The following ZNF606 variants were observed in gnomAD, a reference collection of about 807,000 sequenced individuals.
ZNF606 encodes the protein zinc finger protein 328.
A neutral mutation model predicts 74.9 loss-of-function variants in ZNF606; 37 were observed. The ratio of observed to expected loss-of-function variants is 0.49; its 90% CI spans 0.38 to 0.65. The LOEUF (loss-of-function observed/expected upper bound fraction) is 0.65, where lower values mean the gene tolerates loss of function less well. Ranked by LOEUF, ZNF606 falls within the 30% of genes least tolerant of loss-of-function variation. ZNF606 has a pLI of 0.00. For synonymous variants in ZNF606, 328 were observed against 312.4 expected (o/e 1.05, Z -0.53); for missense variants, 852 against 952.9 (o/e 0.89, Z 1.39).
intron 6 of ZNF606, among the ~76,000 whole-genome samples, chr19:57,987,789 C>G (rs2073186892): frequency 6.6e-6 from 1 of 152,206 alleles, no homozygotes; most frequent in Non-Finnish European, 1.5e-5. Context: ...GATCGCACCA[C>G]TGCACTCCAG....
At position 57,985,889 on chromosome 19, in the gene ZNF606, G is replaced by A. The variant is rs1453429267; in HGVS notation, c.400+2318C>T. ...GCAGAGGCTGCAGTGAGCCAAGATC[G>A]CGCCACTGCACTCCAGCCTGGGCGA... On this transcript the variant is annotated intron_variant, in intron 6 of 6. Transcript: ENST00000551380. Among the ~76,000 whole-genome samples, 17 of 151,738 alleles carry A rather than the reference G, an allele frequency of 1.1e-4. No individual in the cohort carries two copies. In the South Asian group the frequency reaches 1.9e-3, roughly 17 times the overall value.
chr19:57,985,769 T>C (rs971963360), intron 6 of ZNF606, among the ~76,000 whole-genome samples: 3 of 143,120 alleles, frequency 2.1e-5, no homozygotes, highest in African/African-American at 7.7e-5. Context: ...CTACTAAAAA[T>C]ACAAAAAAAA....
intron 4 of ZNF606, chr19:57,997,700 C>G (rs1291540706): frequency 1.3e-5 from 2 of 152,184 alleles, no homozygotes; most frequent in South Asian, 2.1e-4. Context: ...CAGAGTGTAG[C>G]ATGGTGGTTA....
chr19:57,979,073 C>T lies in ZNF606; in HGVS notation c.1607G>A (p.Gly536Glu). Residue 536 changes from glycine (G) to glutamate (E), a missense_variant, in exon 7 of 7, where the codon GGA (glycine) becomes GAA (glutamate). Physicochemically the swap from Gly to Glu is moderately conservative, Grantham distance 98 (BLOSUM62 -2). This residue lies in a region of ZNF606 where 243 missense variants were observed against 359.2 expected (regional missense o/e 0.68). Transcript: ENST00000551380. Reference protein sequence around the residue: ...HLIAHMRMHTGEKPFKCDECE... With the variant: ...HLIAHMRMHTEEKPFKCDECE... ...TTCATCACATTTAAAGGGTTTCTCT[C>T]CAGTATGCATTCTCATATGGGCAAT... The T allele has an allele frequency of 6.2e-7, 1 of 1,614,106 alleles. No individual in the cohort carries two copies. The highest frequency in any genetic ancestry group is 8.5e-7 in the Non-Finnish European group (1 of 1,180,020).
intron 6 of ZNF606, among the ~76,000 whole-genome samples, chr19:57,987,682 G>C (rs1187989336): frequency 6.6e-6 from 1 of 151,984 alleles, no homozygotes; most frequent in Non-Finnish European, 1.5e-5. Flanking sequence ...ACAAAAACTA[G>C]CCAGGCATGG....
intron 6 of ZNF606, among the ~76,000 whole-genome samples, chr19:57,983,439 A>G (rs1452515235): frequency 1.3e-5 from 2 of 152,046 alleles, no homozygotes; most frequent in Non-Finnish European, 2.9e-5. Context: ...TTAGCCGGGC[A>G]TAGTGGCAGG....
At chr19:58,002,838 C>T (rs1044484535), upstream of ZNF606, 1 of 444,136 alleles carries the variant, frequency 2.3e-6, no homozygotes, top group African/African-American at 2.0e-5. Context: ...GCCGCGGGGT[C>T]TGCTGGGAGC....
intron 6 of ZNF606, among the ~76,000 whole-genome samples, chr19:57,985,997 AT>A (rs1214606286): frequency 6.6e-6 from 1 of 151,992 alleles, no homozygotes; most frequent in Non-Finnish European, 1.5e-5. Context: ...GAGAGAAGAA[AT>A]TCATCACGTA....
intron 4 of ZNF606, among the ~76,000 whole-genome samples, chr19:57,996,309 C>T (rs1209253816): frequency 6.6e-6 from 1 of 152,142 alleles, no homozygotes; most frequent in African/African-American, 2.4e-5. Flanking sequence ...TGAGGCCAGT[C>T]TGACCAACAT....
chr19:57,982,880 C>G (rs1449186595), intron 6 of ZNF606, among the ~76,000 whole-genome samples: 1 of 152,050 alleles, frequency 6.6e-6, no homozygotes, highest in Non-Finnish European at 1.5e-5. Flanking sequence ...TTCCTGGGCT[C>G]AAATAATCCT....
chr19:57,990,153 G>A (rs776393351), intron 4 of ZNF606, among the ~76,000 whole-genome samples: 2 of 151,110 alleles, frequency 1.3e-5, no homozygotes, highest in Non-Finnish European at 2.9e-5. Flanking sequence ...ACAAGGTCAG[G>A]AGATTGAGAC....
At chr19:57,983,661 A>G (rs912146915) in intron 6 of ZNF606, among the ~76,000 whole-genome samples, 10 of 152,236 alleles carry the variant, frequency 6.6e-5, no homozygotes, top group African/African-American at 2.2e-4. Flanking sequence ...TGGGAGATCA[A>G]AAAAGGACAT....
chr19:57,980,363 T>C, intron 6 of ZNF606, 84 bp from the exon 7 acceptor site: 1 of 1,369,808 alleles, frequency 7.3e-7, no homozygotes, highest in South Asian at 1.4e-5. Context: ...CTGTCCATAT[T>C]ATCAAAAACA....
rs921932845 is a variant in ZNF606 at position 57,988,560 on chromosome 19, A to G, written c.304+35T>C. 6 of 1,600,270 alleles carry G rather than the reference A, an allele frequency of 3.7e-6. No homozygotes were observed. The African/African-American group carries it at 8.0e-5, about 21-fold the overall frequency. ...GAGCAGCTGAAGGCATTACCATGGG[A>G]ACAGCTTCGTTTACTTGGGCAGCAC... On this transcript the variant is annotated intron_variant, in intron 5 of 6. Transcript: ENST00000551380.
intron 6 of ZNF606, among the ~76,000 whole-genome samples, chr19:57,981,064 C>A (rs1450508784): frequency 6.6e-6 from 1 of 152,192 alleles, no homozygotes; most frequent in Non-Finnish European, 1.5e-5. Context: ...ATAGTGATCA[C>A]CTGCTTTCCC....
At chr19:58,000,222 G>A (rs2073399142) in intron 3 of ZNF606, 2 of 427,316 alleles carry the variant, frequency 4.7e-6, no homozygotes, top group Non-Finnish European at 8.2e-6. Flanking sequence ...ACTGCTCACT[G>A]GTTTTCTTTT....
intron 4 of ZNF606, among the ~76,000 whole-genome samples, chr19:57,995,708 A>G (rs376242690): frequency 4.9e-4 from 74 of 152,308 alleles, no homozygotes; most frequent in African/African-American, 1.6e-3. Flanking sequence ...AATCCTAGCT[A>G]CTTGGGAGGC....
intron 2 of ZNF606, 154 bp downstream of exon 2, chr19:58,001,135 T>C: frequency 1.2e-6 from 1 of 835,736 alleles, no homozygotes; most frequent in Non-Finnish European, 1.9e-6. Flanking sequence ...ATGCCAACAA[T>C]TTTCCTCCTT....
At chr19:58,002,859 G>A (rs2073466006), upstream of ZNF606, 1 of 436,728 alleles carries the variant, frequency 2.3e-6, no homozygotes, top group Middle Eastern at 3.4e-4. Context: ...TGTAGTTCCA[G>A]GCGGGCACTT....
Sources: allele counts gnomAD v4.1 joint callset (sites outside exome capture counted in the v4.1 genomes callset), GRCh38; gene constraint gnomAD v4.1.1; regional missense constraint gnomAD v4.1.1; transcripts MANE v1.5; gene names NCBI Gene and HGNC (gene_info 2026-07-23, HGNC 2026-07-21).